The following MCF2L variants were observed in gnomAD, a reference collection of about 807,000 sequenced individuals.
The protein encoded by MCF2L is guanine nucleotide exchange factor DBS.
MCF2L carries 97 observed loss-of-function variants against 153.4 expected under a neutral mutation model. The ratio of observed to expected loss-of-function variants is 0.63; its 90% CI spans 0.54 to 0.75. MCF2L has a LOEUF of 0.75. Ranked by LOEUF, MCF2L falls within the 30% of genes least tolerant of loss-of-function variation. The pLI is 0.00. For synonymous variants in MCF2L, 659 were observed against 632.2 expected, an observed-to-expected ratio of 1.04 and a Z score of -0.64; for missense variants, 1,347 against 1,495.2, an observed-to-expected ratio of 0.90 and a Z score of 1.64.
chr13:112,996,246 G>A (rs569521035), intron 1 of MCF2L, among the ~76,000 whole-genome samples: 21 of 152,162 alleles, frequency 1.4e-4, no homozygotes, highest in African/African-American at 3.6e-4. Flanking sequence ...CTTGAGCTCC[G>A]GAGATCAAGG....
chr13:112,991,393 T>C (rs150653581), intron 1 of MCF2L, among the ~76,000 whole-genome samples: 2 of 151,670 alleles, frequency 1.3e-5, no homozygotes, highest in African/African-American at 2.4e-5. Flanking sequence ...CCTGATTCGC[T>C]GTGTTTTGGG....
chr13:113,036,140 G>A (rs1254734372), intron 3 of MCF2L, among the ~76,000 whole-genome samples: 2 of 152,136 alleles, frequency 1.3e-5, no homozygotes, highest in African/African-American at 2.4e-5. Context: ...CATGCCCAGA[G>A]GCACCTCAGT....
chr13:112,898,263 A>G (rs529554028), intron 1 of MCF2L, among the ~76,000 whole-genome samples: 20 of 152,166 alleles, frequency 1.3e-4, no homozygotes, highest in Admixed American at 8.5e-4. Flanking sequence ...AAGTCCACCC[A>G]GTCCTCAGCA....
intron 2 of MCF2L, among the ~76,000 whole-genome samples, chr13:112,949,734 G>C (rs913241057): frequency 1.3e-5 from 2 of 151,654 alleles, no homozygotes; most frequent in East Asian, 3.9e-4. Context: ...GGAGTAGAGG[G>C]GGGGACCGTC....
At chr13:113,057,966 CTGTT>C (rs1279051285) in intron 4 of MCF2L, among the ~76,000 whole-genome samples, 2 of 117,928 alleles carry the variant, frequency 1.7e-5, no homozygotes, top group African/African-American at 6.8e-5. Flanking sequence ...TGTTTTGGCA[CTGTT>C]TGGGTGCTGA....
chr13:113,077,235 CG>C, intron 13 of MCF2L, 24 bp downstream of exon 13: 6 of 1,518,160 alleles, frequency 4.0e-6, no homozygotes, highest in Non-Finnish European at 5.3e-6. Context: ...CCCGGTGCCC[CG>C]GGTGCTGTGG....
intron 5 of MCF2L, among the ~76,000 whole-genome samples, chr13:113,062,729 CATG>C (rs1157212527): frequency 6.6e-6 from 1 of 152,192 alleles, no homozygotes. Flanking sequence ...AGAAAGGAGA[CATG>C]AGGGAGAACA....
chr13:112,953,566 A>G (rs887887158), intron 2 of MCF2L, among the ~76,000 whole-genome samples: 14 of 152,346 alleles, frequency 9.2e-5, no homozygotes, highest in Admixed American at 2.6e-4. Flanking sequence ...GACAGGAACA[A>G]GGGTCAGGCA....
intron 2 of MCF2L, among the ~76,000 whole-genome samples, chr13:112,959,445 C>CCTCT (rs2081797778): frequency 6.6e-6 from 1 of 152,078 alleles, no homozygotes; most frequent in Non-Finnish European, 1.5e-5. Context: ...TTAGGGGTTT[C>CCTCT]CTCTCTCTGG....
chr13:112,902,450 C>A, intron 2 of MCF2L: 1 of 1,399,778 alleles, frequency 7.1e-7, no homozygotes, highest in Non-Finnish European at 9.6e-7. Flanking sequence ...TTTGCTATTC[C>A]GGTCCTTTTA....
At chr13:113,084,799 C>G in intron 18 of MCF2L, 93 bp from the exon 19 acceptor site, 1 of 917,956 alleles carries the variant, frequency 1.1e-6, no homozygotes. Context: ...ATGCGGTGCC[C>G]GTCCCTCACC....
chr13:112,976,491 G>A (rs866126234), intron 1 of MCF2L, among the ~76,000 whole-genome samples: 2 of 152,204 alleles, frequency 1.3e-5, no homozygotes, highest in African/African-American at 2.4e-5. Context: ...CCTGTTAAAC[G>A]CTGCACAGGG....
chr13:113,064,214 C>G lies in MCF2L; in HGVS notation c.490-90C>G. ...AGCATCCAGGCAGACGTGGTCCTCT[C>G]TGTGCTGCTGGGTGTTCTGCTGATG... is the stretch of plus-strand genomic sequence containing the variant. On this transcript the variant is annotated intron_variant, in intron 5 of 29. Coordinates refer to ENST00000535094, the MANE Select transcript of MCF2L (RefSeq NM_001112732.3). The surrounding 1 kb of genome is among the most constrained non-coding windows in gnomAD (Gnocchi z 6.0). 1.0e-6 allele frequency: 1 copy of G among 959,030 alleles called. No homozygotes were observed. The highest frequency in any genetic ancestry group is 2.4e-5 in the East Asian group (1 of 41,800). 59.4% of individuals were successfully genotyped at this position (959,030 alleles called of 1,614,324 possible).
At chr13:112,909,253 A>T (rs2081204996) in intron 2 of MCF2L, 1 of 779,722 alleles carries the variant, frequency 1.3e-6, no homozygotes, top group Admixed American at 1.7e-5. Flanking sequence ...ATTCCAGCAG[A>T]GGTCTCGGCA....
At chr13:113,049,326 G>A (rs1379233614) in intron 4 of MCF2L, among the ~76,000 whole-genome samples, 1 of 150,850 alleles carries the variant, frequency 6.6e-6, no homozygotes, top group Admixed American at 6.6e-5. Context: ...GAGGGGTGAG[G>A]GTCTCTGCAG....
At chr13:113,008,223 C>A (rs938999611) in intron 1 of MCF2L, among the ~76,000 whole-genome samples, 1 of 152,160 alleles carries the variant, frequency 6.6e-6, no homozygotes, top group Admixed American at 6.5e-5. Context: ...CGGCCAAGTA[C>A]GGGTATCTTT....
intron 9 of MCF2L, among the ~76,000 whole-genome samples, chr13:113,072,300 C>G (rs74115780): frequency 0.021 from 3,213 of 152,196 alleles, 119 homozygotes; most frequent in African/African-American, 0.071. Flanking sequence ...TGGTTTCTTC[C>G]TTTTTGAAGA....
intron 4 of MCF2L, among the ~76,000 whole-genome samples, chr13:113,057,798 TG>T (rs1362605014): frequency 7.0e-6 from 1 of 142,220 alleles, no homozygotes; most frequent in African/African-American, 2.7e-5. Context: ...GTGTTTGCTG[TG>T]TGTTTGGGTG....
intron 2 of MCF2L, among the ~76,000 whole-genome samples, chr13:112,962,947 T>C (rs1258435983): frequency 6.6e-6 from 1 of 152,240 alleles, no homozygotes; most frequent in Non-Finnish European, 1.5e-5. Context: ...GCATCTGGCC[T>C]GTCCAGATGC....
Sources: allele counts gnomAD v4.1 joint callset (sites outside exome capture counted in the v4.1 genomes callset), GRCh38; gene constraint gnomAD v4.1.1; non-coding constraint Gnocchi (gnomAD v3.1); transcripts MANE v1.5; gene names NCBI Gene and HGNC (gene_info 2026-07-23, HGNC 2026-07-21).